CADPS2: variants seen among roughly 807,000 people sequenced by gnomAD.
The protein encoded by CADPS2 is calcium dependent secretion activator 2.
Under a neutral mutation model 172.5 loss-of-function variants are expected in CADPS2, and 93 were observed. That is an observed-to-expected ratio of 0.54 (90% CI 0.46 to 0.64). The LOEUF is 0.64. Among genes scored for constraint, CADPS2 ranks in the 30% least tolerant of loss-of-function variants. CADPS2 has a pLI of 0.00. For synonymous variants in CADPS2, 546 were observed against 555.2 expected, an observed-to-expected ratio of 0.98 and a Z score of 0.23; for missense variants, 1,420 against 1,565.9, an observed-to-expected ratio of 0.91 and a Z score of 1.57.
chr7:122,663,692 A>G, intron 2 of CADPS2, 123 bp from the exon 3 acceptor site: 3 of 700,018 alleles, frequency 4.3e-6, no homozygotes, highest in Non-Finnish European at 7.0e-6. Flanking sequence ...ATACTCCACA[A>G]TGATTCAAAA....
At chr7:122,581,834 T>A (rs1302534597) in intron 6 of CADPS2, among the ~76,000 whole-genome samples, 1 of 152,146 alleles carries the variant, frequency 6.6e-6, no homozygotes, top group Non-Finnish European at 1.5e-5. Context: ...CATAAGAATC[T>A]GAATGTTTTG....
chr7:122,782,332 A>T (rs1777297698), intron 1 of CADPS2, among the ~76,000 whole-genome samples: 1 of 151,866 alleles, frequency 6.6e-6, no homozygotes, highest in Admixed American at 6.6e-5. Context: ...ATTGTTAAAT[A>T]ACAGTATAGT....
At chr7:122,451,323 G>C in intron 15 of CADPS2, 51 bp downstream of exon 15, 1 of 959,070 alleles carries the variant, frequency 1.0e-6, no homozygotes, top group Non-Finnish European at 1.5e-6. Flanking sequence ...GGGAAGTAAG[G>C]GTTGAGTAAA....
chr7:122,496,522 T>A (rs62474604), intron 9 of CADPS2, among the ~76,000 whole-genome samples: 1 of 152,320 alleles, frequency 6.6e-6, no homozygotes, highest in Non-Finnish European at 1.5e-5. Flanking sequence ...TTTTAATATA[T>A]GCATTTATGT....
intron 18 of CADPS2, 70 bp from the exon 19 acceptor site, chr7:122,414,146 A>T (rs896919739): frequency 6.6e-5 from 78 of 1,177,082 alleles, no homozygotes; most frequent in Non-Finnish European, 8.8e-5. Flanking sequence ...AAACATCTTT[A>T]AAAAAGGTCA....
At chr7:122,667,932 G>A (rs182099564) in intron 2 of CADPS2, among the ~76,000 whole-genome samples, 2 of 152,146 alleles carry the variant, frequency 1.3e-5, no homozygotes, top group Non-Finnish European at 2.9e-5. Flanking sequence ...GGGGCCACGT[G>A]GGGGGAGGGA....
chr7:122,581,318 T>C (rs748433697), intron 6 of CADPS2, 28 bp from the exon 7 acceptor site: 1 of 1,562,968 alleles, frequency 6.4e-7, no homozygotes, highest in South Asian at 1.1e-5. Flanking sequence ...AAATGTTTCT[T>C]AAAATGCAGC....
intron 1 of CADPS2, among the ~76,000 whole-genome samples, chr7:122,780,335 C>T (rs961369574): frequency 2.0e-5 from 3 of 152,110 alleles, no homozygotes; most frequent in Non-Finnish European, 4.4e-5. Context: ...GATGATACAA[C>T]TTTGAATATT....
intron 20 of CADPS2, among the ~76,000 whole-genome samples, chr7:122,400,088 CT>C (rs1032612655): frequency 1.3e-5 from 2 of 151,840 alleles, no homozygotes; most frequent in Non-Finnish European, 2.9e-5. Flanking sequence ...CCACTAAACC[CT>C]ATGAAAATAT....
At chr7:122,574,505 A>G (rs1404442918) in intron 7 of CADPS2, among the ~76,000 whole-genome samples, 1 of 148,704 alleles carries the variant, frequency 6.7e-6, no homozygotes, top group Non-Finnish European at 1.5e-5. Context: ...ATACATATGT[A>G]GAATGTTAGT....
chr7:122,840,392 A>C (rs1810089045), intron 1 of CADPS2, among the ~76,000 whole-genome samples: 1 of 152,146 alleles, frequency 6.6e-6, no homozygotes, highest in African/African-American at 2.4e-5. Flanking sequence ...ACAAACCTGC[A>C]CGTTTTGCAC....
intron 29 of CADPS2, among the ~76,000 whole-genome samples, chr7:122,320,607 T>C (rs755012720): frequency 2.6e-5 from 4 of 152,210 alleles, no homozygotes; most frequent in Non-Finnish European, 4.4e-5. Flanking sequence ...ACATTACTAA[T>C]TGCACACAAT....
At chr7:122,381,842 T>G (rs1032871830) in intron 24 of CADPS2, among the ~76,000 whole-genome samples, 1 of 152,126 alleles carries the variant, frequency 6.6e-6, no homozygotes, top group Non-Finnish European at 1.5e-5. Context: ...GAAGTATACA[T>G]CTGAAATTTA....
chr7:122,728,324 C>A (rs2091306646), intron 2 of CADPS2, among the ~76,000 whole-genome samples: 1 of 151,676 alleles, frequency 6.6e-6, no homozygotes, highest in South Asian at 2.1e-4. Context: ...ACAAAGAAAT[C>A]AATAAACAAC....
chr7:122,659,965 C>G (rs926590673), intron 3 of CADPS2, among the ~76,000 whole-genome samples: 3 of 152,120 alleles, frequency 2.0e-5, no homozygotes, highest in East Asian at 1.9e-4. Context: ...AACTGAGAGA[C>G]TGCATCACCA....
At chr7:122,387,294 T>C (rs2043811423) in intron 23 of CADPS2, 121 bp from the exon 24 acceptor site, 1 of 963,952 alleles carries the variant, frequency 1.0e-6, no homozygotes. Flanking sequence ...GAGTAAGCAG[T>C]GTGGCAGTGC....
In CADPS2 at chr7:122,503,829, T is replaced by C. The variant is rs2059406885; in HGVS notation, c.1542+9420A>G. ...GCCTCAGAATTGGGAAAAAAAGCCA[T>C]CTCATAGAGTGAGAATGGAGGAGAT... On this transcript the variant is annotated intron_variant, in intron 9 of 29. Transcript: ENST00000449022. Among the ~76,000 whole-genome samples the C allele has an allele frequency of 2.0e-5, 3 of 152,166 alleles. 1 individual carries two copies. Among genetic ancestry groups the C allele is most frequent in the Admixed American group, 2.0e-4 (3 of 15,264 alleles).
intron 3 of CADPS2, among the ~76,000 whole-genome samples, chr7:122,645,681 A>ATATATCTCTC (rs796988558): frequency 8.6e-4 from 101 of 116,832 alleles, no homozygotes; most frequent in African/African-American, 1.7e-3. Context: ...ATATATATAT[A>ATATATCTCTC]TCTTGGGATT....
At chr7:122,800,272 G>A (rs1406006383) in intron 1 of CADPS2, among the ~76,000 whole-genome samples, 1 of 151,958 alleles carries the variant, frequency 6.6e-6, no homozygotes, top group African/African-American at 2.4e-5. Flanking sequence ...AATCATACTG[G>A]AAAATTTAAC....
Sources: gnomAD v4.1 joint callset for allele counts (sites outside exome capture counted in the v4.1 genomes callset) on GRCh38, gnomAD v4.1.1 for gene constraint, MANE v1.5 for transcripts, NCBI Gene and HGNC (gene_info 2026-07-23, HGNC 2026-07-21) for gene names.